The following SLCO2A1 variants were observed in gnomAD, a reference collection of about 807,000 sequenced individuals.
SLCO2A1 encodes solute carrier organic anion transporter family member 2A1.
A neutral mutation model predicts 71.7 loss-of-function variants in SLCO2A1; 60 were observed. The ratio of observed to expected loss-of-function variants is 0.84; its 90% CI spans 0.68 to 1.04. The LOEUF is 1.04. Ranked by LOEUF, SLCO2A1 falls within the 50% of genes least tolerant of loss-of-function variation. The probability of loss-of-function intolerance (pLI) is 0.00; values close to 1 mark genes in which losing one functional copy is unlikely to be tolerated. For synonymous variants in SLCO2A1, 308 were observed against 326.7 expected (o/e 0.94, Z 0.62); for missense variants, 745 against 813.4 (o/e 0.92, Z 1.02).
chr3:133,938,716 T>G (rs1202247934), intron 11 of SLCO2A1, among the ~76,000 whole-genome samples: 8 of 152,096 alleles, frequency 5.3e-5, no homozygotes. Flanking sequence ...TTGTTAGATA[T>G]GCAGATTTTC....
At chr3:134,019,747 C>T (rs997220598) in intron 1 of SLCO2A1, among the ~76,000 whole-genome samples, 10 of 152,162 alleles carry the variant, frequency 6.6e-5, no homozygotes, top group East Asian at 1.9e-4. Context: ...TGGCTTTATC[C>T]GCTTCCCCTA....
At chr3:134,007,254 C>G (rs534445665) in intron 1 of SLCO2A1, among the ~76,000 whole-genome samples, 2 of 152,194 alleles carry the variant, frequency 1.3e-5, no homozygotes, top group Non-Finnish European at 2.9e-5. Context: ...GACATTTTCT[C>G]CCATTCTGTA....
At chr3:133,951,432 C>T in intron 5 of SLCO2A1, 88 bp from the exon 6 acceptor site, 2 of 1,505,364 alleles carry the variant, frequency 1.3e-6, no homozygotes, top group Non-Finnish European at 1.8e-6. Flanking sequence ...GGGAGTTTCA[C>T]TGATTTTCTT....
rs150531814 is a variant in SLCO2A1 at position 133,969,985 on chromosome 3, G to A, written c.397+3678C>T. Among the ~76,000 whole-genome samples, 140 of 152,262 alleles carry A rather than the reference G, an allele frequency of 9.2e-4. 1 individual carries two copies. Among genetic ancestry groups the A allele is most frequent in the Non-Finnish European group, 1.5e-3 (103 of 68,012 alleles). On this transcript the variant is annotated intron_variant, in intron 3 of 13. Coordinates refer to ENST00000310926, the MANE Select transcript of SLCO2A1 (RefSeq NM_005630.3). ...TGCAGCAGGGACCATGCCAAGGGAG[G>A]CGCCCTGCTCCAGAACAGAGCAGAG...
At chr3:133,957,044 C>T (rs940273335) in intron 3 of SLCO2A1, among the ~76,000 whole-genome samples, 1 of 152,202 alleles carries the variant, frequency 6.6e-6, no homozygotes, top group Admixed American at 6.5e-5. Flanking sequence ...AGCTTAACAA[C>T]GTCTCTCCCA....
chr3:133,985,069 C>A (rs1444020851), intron 1 of SLCO2A1, among the ~76,000 whole-genome samples: 1 of 152,182 alleles, frequency 6.6e-6, no homozygotes, highest in African/African-American at 2.4e-5. Context: ...CCTCCTCTTG[C>A]CCTCTGAGTA....
intron 3 of SLCO2A1, among the ~76,000 whole-genome samples, chr3:133,961,321 G>A (rs1934030281): frequency 6.6e-6 from 1 of 152,118 alleles, no homozygotes; most frequent in Non-Finnish European, 1.5e-5. Flanking sequence ...GATAGCAGGG[G>A]CATGACATGA....
At chr3:134,022,371 G>T (rs540128669) in intron 1 of SLCO2A1, among the ~76,000 whole-genome samples, 6 of 152,238 alleles carry the variant, frequency 3.9e-5, no homozygotes, top group African/African-American at 1.4e-4. Context: ...TTGGTAAAAA[G>T]ATTATAAGGA....
At chr3:133,974,004 G>A (rs1934395313) in intron 2 of SLCO2A1, among the ~76,000 whole-genome samples, 179 bp from the exon 3 acceptor site, 1 of 152,188 alleles carries the variant, frequency 6.6e-6, no homozygotes, top group Admixed American at 6.5e-5. Flanking sequence ...CAAGGGGCAA[G>A]CATAAGCAAT....
intron 1 of SLCO2A1, among the ~76,000 whole-genome samples, chr3:134,000,965 A>C (rs982442852): frequency 2.6e-5 from 4 of 152,244 alleles, no homozygotes; most frequent in African/African-American, 9.6e-5. Flanking sequence ...TGTTCCTAAC[A>C]GAACTTCTCT....
At chr3:133,960,950 C>T (rs138182756) in intron 3 of SLCO2A1, among the ~76,000 whole-genome samples, 24 of 151,894 alleles carry the variant, frequency 1.6e-4, no homozygotes, top group South Asian at 4.2e-4. Context: ...GGCTCAGATG[C>T]GGGGGTGGTA....
At chr3:134,007,868 T>C (rs1180759913) in intron 1 of SLCO2A1, among the ~76,000 whole-genome samples, 1 of 152,262 alleles carries the variant, frequency 6.6e-6, no homozygotes, top group Non-Finnish European at 1.5e-5. Flanking sequence ...CTGTGTTCAA[T>C]TCATTCTTCA....
At chr3:134,023,894 G>C (rs936877181) in intron 1 of SLCO2A1, among the ~76,000 whole-genome samples, 2 of 151,720 alleles carry the variant, frequency 1.3e-5, no homozygotes, top group Non-Finnish European at 2.9e-5. Flanking sequence ...ACAGCCTGGA[G>C]TAATAAGTCA....
In SLCO2A1 at chr3:133,955,210, T is replaced by C. The variant is rs556305343; in HGVS notation, c.398-17A>G. ...TGTTGTTCCCTGCAACGAGAGTGCT[T>C]GCTGGTCTCCACCACCCTGGTCTCC... On this transcript the variant is annotated splice_polypyrimidine_tract_variant and intron_variant, in intron 3 of 13. Coordinates refer to ENST00000310926, the MANE Select transcript of SLCO2A1 (RefSeq NM_005630.3). 112 of 1,603,656 alleles carry C rather than the reference T, an allele frequency of 7.0e-5. 1 individual carries two copies. In the South Asian group the frequency reaches 1.1e-3, roughly 16 times the overall value.
At chr3:133,964,888 C>T (rs1934128250) in intron 3 of SLCO2A1, among the ~76,000 whole-genome samples, 1 of 152,178 alleles carries the variant, frequency 6.6e-6, no homozygotes, top group Non-Finnish European at 1.5e-5. Context: ...ACCCCCACAC[C>T]CTGGCCCAGC....
chr3:133,994,174 A>G (rs1248496973), intron 1 of SLCO2A1, among the ~76,000 whole-genome samples: 1 of 152,238 alleles, frequency 6.6e-6, no homozygotes, highest in Non-Finnish European at 1.5e-5. Flanking sequence ...TGTCTGGCGG[A>G]CTATCTGAGA....
At chr3:133,935,628 T>C in intron 13 of SLCO2A1, 146 bp downstream of exon 13, 1 of 885,470 alleles carries the variant, frequency 1.1e-6, no homozygotes. Flanking sequence ...CCCTGCTCCC[T>C]GTCCATGGCA....
At position 134,029,853 on chromosome 3, in the gene SLCO2A1, G is replaced by C; in HGVS notation, c.-51C>G. 8.7e-7 allele frequency: 1 copy of C among 1,146,186 alleles called. No individual in the cohort carries two copies. Among genetic ancestry groups the C allele is most frequent in the Non-Finnish European group, 1.1e-6 (1 of 889,608 alleles). The allele number at this position is 1,146,186 out of a possible 1,614,324, so 71.0% of individuals were successfully genotyped here. ...GAGTGGCGCGGGGTCGGGGCGCCTC[G>C]GGCTGGAGCGGCCGGGCGGGTGAGA... On this transcript the variant is annotated 5_prime_UTR_variant, in exon 1 of 14. Transcript: ENST00000310926.
At chr3:134,006,534 T>G (rs1055008298) in intron 1 of SLCO2A1, among the ~76,000 whole-genome samples, 16 of 152,266 alleles carry the variant, frequency 1.1e-4, no homozygotes, top group African/African-American at 3.9e-4. Flanking sequence ...CTATGAATTT[T>G]ACTATTCTAG....
Sources: allele counts gnomAD v4.1 joint callset (sites outside exome capture counted in the v4.1 genomes callset), GRCh38; gene constraint gnomAD v4.1.1; transcripts MANE v1.5; gene names NCBI Gene and HGNC (gene_info 2026-07-23, HGNC 2026-07-21).